The following ZNF787 variants were observed in gnomAD, a reference collection of about 807,000 sequenced individuals.
ZNF787 encodes the protein zinc finger protein 787.
ZNF787 carries 7 observed loss-of-function variants against 16.9 expected under a neutral mutation model. The observed-to-expected ratio is 0.42, with a 90% CI of 0.24 to 0.78. ZNF787 has a LOEUF of 0.78. Ranked by LOEUF, ZNF787 falls within the 30% of genes least tolerant of loss-of-function variation. The pLI, the probability that ZNF787 is intolerant of heterozygous loss-of-function variation, is 0.30. For synonymous variants in ZNF787, 345 were observed against 270.9 expected, an observed-to-expected ratio of 1.27 and a Z score of -2.69; for missense variants, 551 against 589.3, an observed-to-expected ratio of 0.94 and a Z score of 0.67.
chr19:56,103,053 G>T lies in ZNF787; in HGVS notation c.79+86C>A, dbSNP rs1386803107. On this transcript the variant is annotated intron_variant, in intron 2 of 2. Coordinates refer to ENST00000610935, the MANE Select transcript of ZNF787 (RefSeq NM_001002836.4). ...GCCCCAAGAGGGGAAAACAGGGAAGGGGGGTTTCCTCCCACCCAGAGGCAA... is the reference window on the plus strand; with the variant it reads ...GCCCCAAGAGGGGAAAACAGGGAAGTGGGGTTTCCTCCCACCCAGAGGCAA... The T allele has an allele frequency of 9.5e-6, 14 of 1,471,458 alleles. 2 individuals carry two copies. In the East Asian group the frequency reaches 2.9e-4, roughly 31 times the overall value. 91.2% of individuals were successfully genotyped at this position (1,471,458 alleles called of 1,614,324 possible). A position where few individuals can be genotyped will look rare whatever the true frequency, so the allele number is the denominator to read the frequency against.
At chr19:56,097,807 C>A (rs1284204347) in intron 2 of ZNF787, among the ~76,000 whole-genome samples, 2 of 152,182 alleles carry the variant, frequency 1.3e-5, no homozygotes, top group Non-Finnish European at 2.9e-5. Flanking sequence ...AGGGGACACA[C>A]AGCACCCTGC....
intron 2 of ZNF787, among the ~76,000 whole-genome samples, chr19:56,101,007 C>T (rs1466018829): frequency 4.9e-5 from 7 of 142,974 alleles, no homozygotes; most frequent in Non-Finnish European, 1.1e-4. Context: ...GGCCAACCCC[C>T]GCCACTCCAC....
rs1985360555 is a variant in ZNF787, at chr19:56,087,907, G to T, written c.*116C>A. On this transcript the variant is annotated 3_prime_UTR_variant, in exon 3 of 3. Coordinates refer to ENST00000610935, the MANE Select transcript of ZNF787 (RefSeq NM_001002836.4). ...GGACAGAGGAGGGCGGGGAGCCGGG[G>T]ATGCCGCGGGGTCCATCGCACCCCG... 14 of 1,273,602 alleles carry T rather than the reference G, an allele frequency of 1.1e-5. No individual in the cohort carries two copies. Among genetic ancestry groups the T allele is most frequent in the Non-Finnish European group, 1.4e-5 (14 of 1,009,920 alleles). The allele number at this position is 1,273,602 out of a possible 1,614,324, so 78.9% of individuals were successfully genotyped here.
intron 1 of ZNF787, among the ~76,000 whole-genome samples, chr19:56,119,403 G>C (rs552749666): frequency 6.6e-4 from 100 of 152,358 alleles, no homozygotes; most frequent in African/African-American, 2.3e-3. Context: ...AAGAGACAGT[G>C]CCAAGGCCAA....
rs183651691 is a variant in ZNF787 at position 56,103,243 on chromosome 19, G to A, written c.-10-16C>T. 3.3e-4 allele frequency: 505 copies of A among 1,530,812 alleles called. No individual in the cohort carries two copies. The African/African-American group carries it at 4.9e-3, about 15-fold the overall frequency. 94.8% of individuals were successfully genotyped at this position (1,530,812 alleles called of 1,614,324 possible). A position where few individuals can be genotyped will look rare whatever the true frequency, so the allele number is the denominator to read the frequency against. On this transcript the variant is annotated splice_polypyrimidine_tract_variant and intron_variant, in intron 1 of 2. Transcript: ENST00000610935. ...GTCTGGGTCCCTGTTAGAAGGGGAT[G>A]AGACAGAAGGACAGAGTTTATGGGG... is the stretch of plus-strand genomic sequence containing the variant.
chr19:56,091,962 A>T (rs1271570199), intron 2 of ZNF787, among the ~76,000 whole-genome samples: 7 of 151,866 alleles, frequency 4.6e-5, no homozygotes, highest in African/African-American at 9.7e-5. Context: ...CCGAAACCGA[A>T]ACCGAAGCCA....
In ZNF787 at chr19:56,087,842, GGCCCTAATAC is replaced by G; in HGVS notation, c.*171_*180del. 2 of 1,000,756 alleles carry G rather than the reference GGCCCTAATAC, an allele frequency of 2.0e-6. No homozygotes were observed. Among genetic ancestry groups the G allele is most frequent in the Non-Finnish European group, 2.6e-6 (2 of 776,006 alleles). The allele number at this position is 1,000,756 out of a possible 1,614,324, so 62.0% of individuals were successfully genotyped here. A position where few individuals can be genotyped will look rare whatever the true frequency, so the allele number is the denominator to read the frequency against. On this transcript the variant is annotated 3_prime_UTR_variant, in exon 3 of 3. Transcript: ENST00000610935. ...GAGTCTCGAGGCGGAGAAGTGAACG[GGCCCTAATAC>G]GCCCCAGTGCCCCCCCACGGACGGC...
chr19:56,108,165 G>A (rs1369210764), intron 1 of ZNF787, among the ~76,000 whole-genome samples: 4 of 151,962 alleles, frequency 2.6e-5, no homozygotes, highest in East Asian at 1.9e-4. Context: ...CTCCAGAAGC[G>A]GGAGGCACTG....
chr19:56,110,712 C>A (rs147843926), intron 1 of ZNF787, among the ~76,000 whole-genome samples: 1 of 152,340 alleles, frequency 6.6e-6, no homozygotes, highest in Non-Finnish European at 1.5e-5. Context: ...GAGCCTTCCC[C>A]TGGCCTCCAC....
chr19:56,087,871 G>C lies in ZNF787; in HGVS notation c.*152C>G. The C allele has an allele frequency of 3.3e-6, 4 of 1,210,990 alleles. No homozygotes were observed. The highest frequency in any genetic ancestry group is 3.6e-5 in the East Asian group (1 of 27,612). 75.0% of individuals were successfully genotyped at this position (1,210,990 alleles called of 1,614,324 possible). ...CTAATACGCCCCAGTGCCCCCCCAC[G>C]GACGGCGCAGGGACAGAGGAGGGCG... is the stretch of plus-strand genomic sequence containing the variant. On this transcript the variant is annotated 3_prime_UTR_variant, in exon 3 of 3. Transcript: ENST00000610935.
intron 1 of ZNF787, among the ~76,000 whole-genome samples, chr19:56,113,573 C>T (rs1599958482): frequency 6.6e-6 from 1 of 152,040 alleles, no homozygotes; most frequent in African/African-American, 2.4e-5. Flanking sequence ...CCCTCGAACA[C>T]GGCACGCTTG....
intron 1 of ZNF787, among the ~76,000 whole-genome samples, chr19:56,104,919 T>A (rs1986244192): frequency 6.6e-6 from 1 of 152,186 alleles, no homozygotes; most frequent in African/African-American, 2.4e-5. Flanking sequence ...AGTGGAGGTC[T>A]GGAGTTCGAG....
At position 56,087,796 on chromosome 19, in the gene ZNF787, G is replaced by T; in HGVS notation, c.*227C>A. 1 of 642,880 alleles carries T rather than the reference G, an allele frequency of 1.6e-6. No homozygotes were observed. Among genetic ancestry groups the T allele is most frequent in the Non-Finnish European group, 2.2e-6 (1 of 460,328 alleles). The allele number at this position is 642,880 out of a possible 1,614,324, so 39.8% of individuals were successfully genotyped here. A position where few individuals can be genotyped will look rare whatever the true frequency, so the allele number is the denominator to read the frequency against. On this transcript the variant is annotated 3_prime_UTR_variant, in exon 3 of 3. Transcript: ENST00000610935. ...CTCGCAGGCCGATAACTTAGGAAGG[G>T]CGGGCCAGGCTGAGGGGGCAGAGTC... is the stretch of plus-strand genomic sequence containing the variant.
Position 56,115,822 on chromosome 19 carries a change from G to T in ZNF787, c.-11+5350C>A, listed in dbSNP as rs113025953. Among the ~76,000 whole-genome samples, 1,163 of 152,304 alleles carry T rather than the reference G, an allele frequency of 7.6e-3. 14 individuals carry two copies. Among genetic ancestry groups the T allele is most frequent in the African/African-American group, 0.026 (1,060 of 41,560 alleles). On this transcript the variant is annotated intron_variant, in intron 1 of 2. Transcript: ENST00000610935. ...GGGTGCAGTGTGTTGTGGAGACAGC[G>T]GGGCACAGCCCGCAGGACTTGGTGC... is the stretch of plus-strand genomic sequence containing the variant.
intron 2 of ZNF787, among the ~76,000 whole-genome samples, chr19:56,091,810 AG>A (rs1172715958): frequency 6.6e-6 from 1 of 152,210 alleles, no homozygotes; most frequent in Non-Finnish European, 1.5e-5. Flanking sequence ...AGTAAGGCCC[AG>A]GAAACCGCGC....
In ZNF787 at chr19:56,088,035, C is replaced by A; in HGVS notation, c.1137G>T (p.Gly379=). The A allele has an allele frequency of 7.7e-7, 1 of 1,300,038 alleles. No individual in the cohort carries two copies. Among genetic ancestry groups the A allele is most frequent in the Admixed American group, 3.9e-5 (1 of 25,620 alleles). The allele number at this position is 1,300,038 out of a possible 1,614,324, so 80.5% of individuals were successfully genotyped here. A position where few individuals can be genotyped will look rare whatever the true frequency, so the allele number is the denominator to read the frequency against. The change falls in exon 3 of 3, where the codon GGG becomes GGT. Residue 379 remains glycine (G), a synonymous_variant. Transcript: ENST00000610935. This position sits in a 1 kb window ranked among gnomAD's most constrained non-coding sequence, Gnocchi z 8.6. ...CCGGGCCCCTCCCCTACCGGCCCTC[C>A]CCACCGCGGCACTCGGGGCACCGCC... is the stretch of plus-strand genomic sequence containing the variant. The part of the protein sequence containing the change: ...AGGRCPECRG[G]EGR
At chr19:56,092,298 G>A (rs1385488573) in intron 2 of ZNF787, among the ~76,000 whole-genome samples, 1 of 152,208 alleles carries the variant, frequency 6.6e-6, no homozygotes, top group South Asian at 2.1e-4. Flanking sequence ...AATGTGTTCC[G>A]TGGATTACCA....
chr19:56,113,143 C>G (rs1408293627), intron 1 of ZNF787, among the ~76,000 whole-genome samples: 6 of 152,122 alleles, frequency 3.9e-5, no homozygotes, highest in African/African-American at 1.2e-4. Flanking sequence ...ATCTGATAGG[C>G]ACATGCAAGG....
intron 2 of ZNF787, among the ~76,000 whole-genome samples, chr19:56,097,424 G>A (rs1368695884): frequency 2.0e-5 from 3 of 152,186 alleles, no homozygotes; most frequent in East Asian, 1.9e-4. Context: ...GTTCTTCACC[G>A]TGCTACACGT....
Sources: allele counts gnomAD v4.1 joint callset (sites outside exome capture counted in the v4.1 genomes callset), GRCh38; gene constraint gnomAD v4.1.1; non-coding constraint Gnocchi (gnomAD v3.1); transcripts MANE v1.5; gene names NCBI Gene and HGNC (gene_info 2026-07-23, HGNC 2026-07-21).